SOX5: variants seen among roughly 807,000 people sequenced by gnomAD.
The protein encoded by SOX5 is SRY-box transcription factor 5.
In SOX5, 9 loss-of-function variants were observed where a neutral mutation model predicts 92.0. That is an observed-to-expected ratio of 0.10 (90% CI 0.06 to 0.17). The LOEUF (loss-of-function observed/expected upper bound fraction) is 0.17. Among genes scored for constraint, SOX5 ranks in the 10% least tolerant of loss-of-function variants. The pLI is 1.00. For synonymous variants in SOX5, 344 were observed against 336.3 expected, an observed-to-expected ratio of 1.02 and a Z score of -0.25; for missense variants, 642 against 944.5, an observed-to-expected ratio of 0.68 and a Z score of 4.20.
At chr12:24,379,512 T>G (rs912572899) in intron 1 of SOX5, among the ~76,000 whole-genome samples, 1 of 152,220 alleles carries the variant, frequency 6.6e-6, no homozygotes, top group Non-Finnish European at 1.5e-5. Flanking sequence ...GAGTCTTTCC[T>G]TAAGATATCT....
chr12:24,417,120 G>C (rs528623644), intron 1 of SOX5, among the ~76,000 whole-genome samples: 55 of 152,124 alleles, frequency 3.6e-4, no homozygotes, highest in Non-Finnish European at 6.0e-4. Context: ...TTCCAATCTG[G>C]AACTGCCCAT....
intron 1 of SOX5, among the ~76,000 whole-genome samples, chr12:24,383,750 C>T (rs915532914): frequency 2.0e-5 from 3 of 152,148 alleles, no homozygotes; most frequent in Admixed American, 6.5e-5. Context: ...GACAATTTTT[C>T]CAAGGACTGG....
At chr12:23,832,944 T>C (rs1031704620) in intron 3 of SOX5, among the ~76,000 whole-genome samples, 3 of 151,930 alleles carry the variant, frequency 2.0e-5, no homozygotes, top group Non-Finnish European at 2.9e-5. Context: ...CTAAACTACA[T>C]AGATGTTAAA....
intron 6 of SOX5, among the ~76,000 whole-genome samples, chr12:23,708,182 A>AT (rs34102978): frequency 0.25 from 36,738 of 146,044 alleles, 4,812 homozygotes; most frequent in Non-Finnish European, 0.28. Context: ...TCTGGGAACT[A>AT]TTTTTTTTTT....
intron 2 of SOX5, among the ~76,000 whole-genome samples, chr12:23,878,547 A>G (rs983744279): frequency 3.9e-5 from 6 of 152,038 alleles, no homozygotes; most frequent in Non-Finnish European, 7.4e-5. Flanking sequence ...GATGCCTATT[A>G]CATTTTTACC....
At chr12:24,212,334 G>T (rs1958710417) in intron 4 of SOX5, 3 of 510,458 alleles carry the variant, frequency 5.9e-6, no homozygotes, top group African/African-American at 2.0e-5. Flanking sequence ...TCCTTTAGGA[G>T]TAAGTCATTT....
chr12:23,702,760 G>A (rs2090840695), intron 6 of SOX5, among the ~76,000 whole-genome samples: 1 of 152,102 alleles, frequency 6.6e-6, no homozygotes, highest in East Asian at 1.9e-4. Flanking sequence ...GAGTGTGTGT[G>A]TGTGTGTGTG....
intron 9 of SOX5, among the ~76,000 whole-genome samples, chr12:23,587,859 T>G (rs1455667381): frequency 2.0e-5 from 3 of 152,104 alleles, no homozygotes; most frequent in Non-Finnish European, 4.4e-5. Flanking sequence ...GAAAAGACCT[T>G]TAGCCCACTT....
chr12:23,558,804 T>C (rs1356674152), intron 11 of SOX5, among the ~76,000 whole-genome samples: 1 of 152,174 alleles, frequency 6.6e-6, no homozygotes, highest in African/African-American at 2.4e-5. Context: ...GGTTTCTCCG[T>C]ATTGGTCAGG....
chr12:24,403,107 T>C (rs1962131116), intron 1 of SOX5, among the ~76,000 whole-genome samples: 1 of 152,220 alleles, frequency 6.6e-6, no homozygotes. Flanking sequence ...TTCCTTGTAA[T>C]ATTATTTCCA....
intron 4 of SOX5, among the ~76,000 whole-genome samples, chr12:24,010,780 C>CA (rs200507380): frequency 1.6e-4 from 24 of 150,598 alleles, no homozygotes; most frequent in African/African-American, 3.2e-4. Context: ...ACTAAAAATA[C>CA]AAAAAAAAAT....
At chr12:23,729,761 G>A (rs1481801506) in intron 6 of SOX5, among the ~76,000 whole-genome samples, 3 of 152,152 alleles carry the variant, frequency 2.0e-5, no homozygotes, top group African/African-American at 7.2e-5. Context: ...TTGAAAAGAA[G>A]TACAGTATCT....
chr12:24,154,569 C>T (rs1951977987), intron 4 of SOX5, among the ~76,000 whole-genome samples: 1 of 151,960 alleles, frequency 6.6e-6, no homozygotes, highest in African/African-American at 2.4e-5. Flanking sequence ...GAATTGTTAA[C>T]CTAATAACTC....
At chr12:24,291,373 G>A (rs1466184319) in intron 2 of SOX5, among the ~76,000 whole-genome samples, 2 of 152,168 alleles carry the variant, frequency 1.3e-5, no homozygotes, top group Non-Finnish European at 2.9e-5. Context: ...CAAATAAATT[G>A]TTTAAATGGT....
intron 4 of SOX5, among the ~76,000 whole-genome samples, chr12:24,192,377 T>G (rs1256264452): frequency 6.6e-6 from 1 of 152,124 alleles, no homozygotes; most frequent in East Asian, 1.9e-4. Context: ...AAATCTCTTT[T>G]AACCCTGTAG....
At chr12:23,929,654 T>C (rs1328687277) in intron 1 of SOX5, among the ~76,000 whole-genome samples, 1 of 151,998 alleles carries the variant, frequency 6.6e-6, no homozygotes, top group Non-Finnish European at 1.5e-5. Context: ...CAAAAGGAGA[T>C]ATAATTAAAT....
At chr12:23,706,549 A>G (rs1376253843) in intron 6 of SOX5, among the ~76,000 whole-genome samples, 1 of 152,090 alleles carries the variant, frequency 6.6e-6, no homozygotes, top group Non-Finnish European at 1.5e-5. Flanking sequence ...ACCACATTTT[A>G]TAATAACTCC....
At chr12:24,216,502 A>G (rs528194184) in intron 3 of SOX5, among the ~76,000 whole-genome samples, 1 of 152,204 alleles carries the variant, frequency 6.6e-6, no homozygotes, top group Admixed American at 6.5e-5. Flanking sequence ...AAAATAAAAA[A>G]TCCCATGTAA....
intron 9 of SOX5, among the ~76,000 whole-genome samples, chr12:23,598,359 G>C (rs1434285266): frequency 6.9e-6 from 1 of 144,760 alleles, no homozygotes; most frequent in Non-Finnish European, 1.5e-5. Context: ...TCAAACTCAT[G>C]AAGTCTCTTT....
Sources: allele counts gnomAD v4.1 joint callset (sites outside exome capture counted in the v4.1 genomes callset), GRCh38; gene constraint gnomAD v4.1.1; transcripts MANE v1.5; gene names NCBI Gene and HGNC (gene_info 2026-07-23, HGNC 2026-07-21).